Variants in GABBR2 observed in about 807,000 individuals in gnomAD.
The protein encoded by GABBR2 is gamma-aminobutyric acid type B receptor subunit 2.
A neutral mutation model predicts 105.6 loss-of-function variants in GABBR2; 23 were observed. The ratio of observed to expected loss-of-function variants is 0.22; its 90% CI spans 0.16 to 0.31. The LOEUF (loss-of-function observed/expected upper bound fraction) is 0.31. Among genes scored for constraint, GABBR2 ranks in the 10% least tolerant of loss-of-function variants. The pLI is 1.00. For missense variants in GABBR2, 734 were observed against 1,245.5 expected, an observed-to-expected ratio of 0.59 and a Z score of 6.18; for synonymous variants, 478 against 499.7, an observed-to-expected ratio of 0.96 and a Z score of 0.58.
chr9:98,430,020 C>T (rs560253476), intron 7 of GABBR2, among the ~76,000 whole-genome samples: 1 of 152,190 alleles, frequency 6.6e-6, no homozygotes, highest in Non-Finnish European at 1.5e-5. Flanking sequence ...GGCGTGGTGG[C>T]TCATGCCTGT....
At chr9:98,377,864 C>T (rs963291349) in intron 11 of GABBR2, among the ~76,000 whole-genome samples, 2 of 152,188 alleles carry the variant, frequency 1.3e-5, no homozygotes, top group African/African-American at 4.8e-5. Context: ...GACAGCCAGT[C>T]CCTGTGACCC....
At chr9:98,436,406 T>G (rs1475059949) in intron 7 of GABBR2, among the ~76,000 whole-genome samples, 4 of 63,092 alleles carry the variant, frequency 6.3e-5, no homozygotes, top group Admixed American at 2.1e-4. Flanking sequence ...TATATATATA[T>G]AGTATGGCGT....
chr9:98,601,125 C>G (rs920376908), intron 1 of GABBR2, among the ~76,000 whole-genome samples: 27 of 152,308 alleles, frequency 1.8e-4, no homozygotes, highest in African/African-American at 6.5e-4. Flanking sequence ...CAGTGCTGCT[C>G]AGACTGTCAT....
chr9:98,670,945 C>T (rs973219943), intron 1 of GABBR2, among the ~76,000 whole-genome samples: 1 of 152,020 alleles, frequency 6.6e-6, no homozygotes, highest in Non-Finnish European at 1.5e-5. Flanking sequence ...TATTTAATAC[C>T]ACTGAACTGT....
intron 2 of GABBR2, among the ~76,000 whole-genome samples, chr9:98,554,598 T>C (rs1828554449): frequency 6.6e-6 from 1 of 152,196 alleles, no homozygotes; most frequent in Non-Finnish European, 1.5e-5. Context: ...TTTTAAAGAA[T>C]AATAGCAAAA....
intron 2 of GABBR2, among the ~76,000 whole-genome samples, chr9:98,559,522 C>T (rs113616935): frequency 1.4e-3 from 213 of 152,352 alleles, no homozygotes; most frequent in African/African-American, 4.8e-3. Context: ...AAATCAGCCT[C>T]TTTCACAAAG....
intron 3 of GABBR2, among the ~76,000 whole-genome samples, chr9:98,499,466 G>A (rs887105254): frequency 1.3e-5 from 2 of 152,188 alleles, no homozygotes; most frequent in Admixed American, 6.5e-5. Flanking sequence ...AGTGAGGTCA[G>A]CCACTCACCG....
chr9:98,654,707 T>C (rs943682541), intron 1 of GABBR2, among the ~76,000 whole-genome samples: 4 of 152,078 alleles, frequency 2.6e-5, no homozygotes, highest in Non-Finnish European at 5.9e-5. Context: ...GAGAACTACA[T>C]CATGTGTATG....
intron 7 of GABBR2, among the ~76,000 whole-genome samples, chr9:98,413,124 A>G (rs1832619031): frequency 6.6e-6 from 1 of 152,226 alleles, no homozygotes; most frequent in South Asian, 2.1e-4. Context: ...TAAGGCCCCT[A>G]CAAAGACCAT....
chr9:98,478,432 T>C (rs1433995674), intron 5 of GABBR2, among the ~76,000 whole-genome samples: 1 of 152,150 alleles, frequency 6.6e-6, no homozygotes, highest in Non-Finnish European at 1.5e-5. Flanking sequence ...TGAGGGCAGA[T>C]TCCATCTGGG....
At chr9:98,474,531 T>G (rs1346514935) in intron 5 of GABBR2, among the ~76,000 whole-genome samples, 1 of 152,176 alleles carries the variant, frequency 6.6e-6, no homozygotes, top group African/African-American at 2.4e-5. Flanking sequence ...ATTTCCTCTG[T>G]GCATTGATGG....
At chr9:98,603,319 A>AT (rs906719588) in intron 1 of GABBR2, among the ~76,000 whole-genome samples, 12 of 152,306 alleles carry the variant, frequency 7.9e-5, no homozygotes, top group African/African-American at 2.9e-4. Flanking sequence ...CAGGCAAAGG[A>AT]TTTGGTCTGG....
intron 1 of GABBR2, among the ~76,000 whole-genome samples, chr9:98,647,235 T>A (rs1293401553): frequency 6.6e-6 from 1 of 152,236 alleles, no homozygotes; most frequent in Admixed American, 6.5e-5. Context: ...TCACTGGGAA[T>A]GACAGGCCCA....
chr9:98,498,646 T>G (rs1206904035), intron 3 of GABBR2, among the ~76,000 whole-genome samples: 1 of 152,258 alleles, frequency 6.6e-6, no homozygotes, highest in Admixed American at 6.5e-5. Flanking sequence ...TTATTCTGAA[T>G]GCTTGAAATG....
At chr9:98,683,546 G>A (rs946106358) in intron 1 of GABBR2, among the ~76,000 whole-genome samples, 2 of 152,132 alleles carry the variant, frequency 1.3e-5, no homozygotes, top group African/African-American at 4.8e-5. Context: ...AGATGACTAC[G>A]TGTTAAAATA....
chr9:98,483,018 T>TC (rs200405019), intron 4 of GABBR2, among the ~76,000 whole-genome samples: 4 of 151,856 alleles, frequency 2.6e-5, no homozygotes, highest in African/African-American at 4.8e-5. Flanking sequence ...TCCAAATCTC[T>TC]CCCCCCAGCC....
Position 98,373,774 on chromosome 9 carries a change from T to C in GABBR2, c.1663-2203A>G, listed in dbSNP as rs150283653. On this transcript the variant is annotated intron_variant, in intron 11 of 18. Coordinates refer to ENST00000259455, the MANE Select transcript of GABBR2 (RefSeq NM_005458.8). ...TAAAAAGGACAAAGATGAAGTAATA[T>C]CATCATTTTTACCTCATCCTGTGGC... Among the ~76,000 whole-genome samples, 98 of 151,456 alleles carry C rather than the reference T, an allele frequency of 6.5e-4. 1 individual carries two copies. In the East Asian group the frequency reaches 0.014, roughly 22 times the overall value.
At chr9:98,386,647 C>T (rs887569989) in intron 10 of GABBR2, among the ~76,000 whole-genome samples, 2 of 152,188 alleles carry the variant, frequency 1.3e-5, no homozygotes, top group Non-Finnish European at 2.9e-5. Flanking sequence ...GCCTGGCCCC[C>T]CCAGCACAAT....
At chr9:98,450,538 T>C (rs1826213033) in intron 7 of GABBR2, among the ~76,000 whole-genome samples, 1 of 152,100 alleles carries the variant, frequency 6.6e-6, no homozygotes, top group African/African-American at 2.4e-5. Flanking sequence ...AAAAGGGAGA[T>C]GGTGTTGAGT....
Sources: allele counts gnomAD v4.1 joint callset (sites outside exome capture counted in the v4.1 genomes callset), GRCh38; gene constraint gnomAD v4.1.1; transcripts MANE v1.5; gene names NCBI Gene and HGNC (gene_info 2026-07-23, HGNC 2026-07-21).